The following MUC13 variants were observed in gnomAD, a reference collection of about 807,000 sequenced individuals.
MUC13 encodes the protein mucin-13.
MUC13 carries 32 observed loss-of-function variants against 48.3 expected under a neutral mutation model. The ratio of observed to expected loss-of-function variants is 0.66; its 90% CI spans 0.50 to 0.89. The LOEUF (loss-of-function observed/expected upper bound fraction) is 0.89. MUC13 is among the 40% of genes least tolerant of loss of function. MUC13 has a pLI of 0.00. For synonymous variants in MUC13, 199 were observed against 224.9 expected (o/e 0.88, Z 1.03); for missense variants, 571 against 622.8 (o/e 0.92, Z 0.88).
chr3:124,929,836 G>A (rs141046638), intron 1 of MUC13, among the ~76,000 whole-genome samples: 1 of 152,334 alleles, frequency 6.6e-6, no homozygotes, highest in African/African-American at 2.4e-5. Context: ...CTTGATTAAA[G>A]TTATGGGGAA....
At chr3:124,926,334 C>T (rs2107672900) in intron 2 of MUC13, among the ~76,000 whole-genome samples, 1 of 152,282 alleles carries the variant, frequency 6.6e-6, no homozygotes, top group Middle Eastern at 3.4e-3. Context: ...ACAGTTTGTT[C>T]ATGGTAGGGC....
intron 10 of MUC13, among the ~76,000 whole-genome samples, chr3:124,909,696 A>G (rs893842344): frequency 7.0e-6 from 1 of 143,080 alleles, no homozygotes; most frequent in Non-Finnish European, 1.5e-5. Flanking sequence ...AAAAAAAGTT[A>G]AAAAAAAACA....
intron 6 of MUC13, among the ~76,000 whole-genome samples, chr3:124,914,224 A>C (rs1457750437): frequency 6.6e-6 from 1 of 152,108 alleles, no homozygotes; most frequent in Non-Finnish European, 1.5e-5. Flanking sequence ...AGCCTGACCA[A>C]CATGGTGAAA....
chr3:124,925,526 T>C (rs185896736), intron 2 of MUC13, among the ~76,000 whole-genome samples: 74 of 152,304 alleles, frequency 4.9e-4, no homozygotes, highest in African/African-American at 1.8e-3. Context: ...GTTGATAATA[T>C]ATGTGTCAGG....
intron 6 of MUC13, 120 bp from the exon 7 acceptor site, chr3:124,913,801 G>C: frequency 9.3e-7 from 1 of 1,077,606 alleles, no homozygotes; most frequent in Non-Finnish European, 1.4e-6. Flanking sequence ...TTGGGGCCAA[G>C]TGCAGTGGCT....
At position 124,916,462 on chromosome 3, in the gene MUC13, T is replaced by A. The variant is rs144643684; in HGVS notation, c.819A>T (p.Arg273Ser). 1.2e-6 allele frequency: 2 copies of A among 1,612,306 alleles called. No individual in the cohort carries two copies. The highest frequency in any genetic ancestry group is 1.7e-6 in the Non-Finnish European group (2 of 1,179,138). ...ACTTGTCATCAGCACGCATTTCAGATCTTGGTGACAGAGATGTGCTAAAAA... is the reference window on the plus strand; with the variant it reads ...ACTTGTCATCAGCACGCATTTCAGAACTTGGTGACAGAGATGTGCTAAAAA... ...ILTVSTSLSP[R>S]SEMRADDKFV... Residue 273 changes from arginine to serine, a missense_variant, in exon 6 of 12, where the codon AGA becomes AGT. Arg to Ser is a moderately radical substitution (Grantham distance 110). Transcript: ENST00000616727.
At chr3:124,919,814 G>C (rs1033476225) in intron 5 of MUC13, among the ~76,000 whole-genome samples, 1 of 152,122 alleles carries the variant, frequency 6.6e-6, no homozygotes, top group Non-Finnish European at 1.5e-5. Context: ...TGTGATTTGG[G>C]TGTTCTTGTC....
intron 3 of MUC13, among the ~76,000 whole-genome samples, chr3:124,923,184 C>A (rs536291797): frequency 1.3e-5 from 2 of 151,610 alleles, no homozygotes; most frequent in East Asian, 3.9e-4. Flanking sequence ...CATCATTATG[C>A]CACAAGTGTA....
At chr3:124,922,445 C>G (rs150070710) in intron 3 of MUC13, 142 bp from the exon 4 acceptor site, 2 of 1,092,870 alleles carry the variant, frequency 1.8e-6, no homozygotes. Context: ...TTAAAAGTTA[C>G]CCATCATCCT....
At chr3:124,912,813 G>T (rs1935445045) in intron 8 of MUC13, among the ~76,000 whole-genome samples, 6 of 151,750 alleles carry the variant, frequency 4.0e-5, no homozygotes, top group Admixed American at 4.0e-4. Context: ...GCAGGCACCT[G>T]TAATCCCAGC....
chr3:124,913,371 C>T (rs1224243973), intron 7 of MUC13, 131 bp from the exon 8 acceptor site: 7 of 1,446,248 alleles, frequency 4.8e-6, no homozygotes, highest in Non-Finnish European at 6.6e-6. Flanking sequence ...TGACTCCACA[C>T]ATGATGTGCC....
Position 124,905,605 on chromosome 3 carries a change from T to TTGTGTGTGTGGTTG in MUC13, c.*1124_*1137dup, listed in dbSNP as rs939471080. 6.5e-6 allele frequency: 1 copy of TTGTGTGTGTGGTTG among 153,180 alleles called. No homozygotes were observed. Among genetic ancestry groups the TTGTGTGTGTGGTTG allele is most frequent in the African/African-American group, 2.4e-5 (1 of 41,408 alleles). The allele number at this position is 153,180 out of a possible 1,614,324, so 9.5% of individuals were successfully genotyped here. ...TTGTACTGGATGTGGTTGCCCCCAT[T>TTGTGTGTGTGGTTG]TGTGTGTGTGGTTGTGTGTGTGTGG... On this transcript the variant is annotated 3_prime_UTR_variant, in exon 12 of 12. Transcript: ENST00000616727.
chr3:124,924,848 A>G (rs1935661990), intron 2 of MUC13, among the ~76,000 whole-genome samples: 1 of 152,216 alleles, frequency 6.6e-6, no homozygotes, highest in South Asian at 2.1e-4. Flanking sequence ...TGGTGAGAAT[A>G]TGGGGCAATG....
intron 1 of MUC13, among the ~76,000 whole-genome samples, chr3:124,933,773 C>CT (rs1935837630): frequency 6.6e-6 from 1 of 152,080 alleles, no homozygotes; most frequent in Non-Finnish European, 1.5e-5. Context: ...AGTTGTATGC[C>CT]TTTTTTCCTA....
At position 124,934,727 on chromosome 3, in the gene MUC13, C is replaced by T. The variant is rs1393805275; in HGVS notation, c.-15G>A. The T allele has an allele frequency of 6.2e-7, 1 of 1,602,290 alleles. No individual in the cohort carries two copies. On this transcript the variant is annotated 5_prime_UTR_variant, in exon 1 of 12. Transcript: ENST00000616727. ...ATGGCTTTCATTTTAGCTGTTCTTGCTTGGTAATCTGAGGAGGAAATGATT... is the reference window on the plus strand; with the variant it reads ...ATGGCTTTCATTTTAGCTGTTCTTGTTTGGTAATCTGAGGAGGAAATGATT...
chr3:124,920,221 A>G lies in MUC13; in HGVS notation c.800+13T>C. On this transcript the variant is annotated intron_variant, in intron 5 of 11. Coordinates refer to ENST00000616727, the MANE Select transcript of MUC13 (RefSeq NM_033049.4). ...CACACATCTGCCTCCAAAATTGTCCATAACAAACTTACCTTACAGTAAGAA... is the reference window on the plus strand; with the variant it reads ...CACACATCTGCCTCCAAAATTGTCCGTAACAAACTTACCTTACAGTAAGAA... The G allele has an allele frequency of 6.2e-7, 1 of 1,600,958 alleles. No individual in the cohort carries two copies. The highest frequency in any genetic ancestry group is 8.5e-7 in the Non-Finnish European group (1 of 1,171,682).
intron 2 of MUC13, among the ~76,000 whole-genome samples, chr3:124,925,777 C>A (rs1374616907): frequency 1.3e-5 from 2 of 152,064 alleles, no homozygotes; most frequent in Non-Finnish European, 2.9e-5. Context: ...CCACACCTGG[C>A]TAATTTTTGT....
chr3:124,927,960 G>A lies in MUC13; in HGVS notation c.86C>T (p.Thr29Ile), dbSNP rs983974530. The change falls in exon 2 of 12, where the codon ACA (threonine) becomes ATA (isoleucine). Residue 29 changes from threonine (T) to isoleucine (I), a missense_variant. Coordinates refer to ENST00000616727, the MANE Select transcript of MUC13 (RefSeq NM_033049.4). ...TNQGNSADAV[T>I]TTETATSGPT... ...ACCACTAGTCGCAGTTTCTGTGGTT[G>A]TTACAGCATCAGCTGAGTTGCCTTG... is the stretch of plus-strand genomic sequence containing the variant. The A allele has an allele frequency of 1.7e-5, 26 of 1,572,270 alleles. No individual in the cohort carries two copies. Among genetic ancestry groups the A allele is most frequent in the Non-Finnish European group, 2.2e-5 (26 of 1,159,478 alleles).
chr3:124,931,760 T>G (rs1384264673), intron 1 of MUC13, among the ~76,000 whole-genome samples: 1 of 135,312 alleles, frequency 7.4e-6, no homozygotes, highest in Non-Finnish European at 1.6e-5. Flanking sequence ...AAAAGTAATA[T>G]AAGGCCAGGC....
Sources: gnomAD v4.1 joint callset for allele counts (sites outside exome capture counted in the v4.1 genomes callset) on GRCh38, gnomAD v4.1.1 for gene constraint, MANE v1.5 for transcripts, NCBI Gene and HGNC (gene_info 2026-07-23, HGNC 2026-07-21) for gene names.